LARP1B: variants seen among roughly 807,000 people sequenced by gnomAD.
The protein encoded by LARP1B is La ribonucleoprotein 1B, also known as la-related protein 1B.
Under a neutral mutation model 114.2 loss-of-function variants are expected in LARP1B, and 76 were observed. The ratio of observed to expected loss-of-function variants is 0.67; its 90% CI spans 0.55 to 0.81. The LOEUF is 0.81. Among genes scored for constraint, LARP1B ranks in the 30% least tolerant of loss-of-function variants. The pLI, the probability that LARP1B is intolerant of heterozygous loss-of-function variation, is 0.00. For missense variants in LARP1B, 1,014 were observed against 1,075.8 expected, an observed-to-expected ratio of 0.94 and a Z score of 0.80; for synonymous variants, 345 against 348.0, an observed-to-expected ratio of 0.99 and a Z score of 0.10.
intron 1 of LARP1B, among the ~76,000 whole-genome samples, chr4:128,071,920 A>T (rs4833394): frequency 0.6 from 91,560 of 151,878 alleles, 28,477 homozygotes; most frequent in Middle Eastern, 0.8. Flanking sequence ...TTAAAAATAT[A>T]TTATTTTCTT....
intron 15 of LARP1B, among the ~76,000 whole-genome samples, chr4:128,189,157 A>C (rs1751351192): frequency 6.6e-6 from 1 of 151,852 alleles, no homozygotes; most frequent in African/African-American, 2.4e-5. Context: ...ATGTTTACTT[A>C]ATATATCTGG....
In LARP1B at chr4:128,156,863, T is replaced by TAAA. The variant is rs56753518; in HGVS notation, c.1525-5308_1525-5306dup. ...CAAAATGGAATAAAAGGCTTGAAGC[T>TAAA]AAAAAAAAAAAAAAAAAAAAAAAAA... is the stretch of plus-strand genomic sequence containing the variant. On this transcript the variant is annotated intron_variant, in intron 11 of 19. Transcript: ENST00000326639. 4.0e-3 allele frequency among the ~76,000 whole-genome samples: 325 copies of TAAA among 80,754 alleles called. 3 individuals carry two copies. The highest frequency in any genetic ancestry group is 0.015 in the African/African-American group (302 of 20,118). The allele number at this position is 80,754 out of a possible 152,430, so 53.0% of individuals were successfully genotyped here.
At chr4:128,204,550 G>C (rs1425461586) in intron 17 of LARP1B, among the ~76,000 whole-genome samples, 3 of 151,940 alleles carry the variant, frequency 2.0e-5, no homozygotes, top group Non-Finnish European at 4.4e-5. Flanking sequence ...AGCTACTTGG[G>C]AGGCTGAGGC....
chr4:128,111,748 A>G (rs1431119832), intron 9 of LARP1B, among the ~76,000 whole-genome samples: 1 of 151,990 alleles, frequency 6.6e-6, no homozygotes, highest in Non-Finnish European at 1.5e-5. Flanking sequence ...GCTGGAGTGC[A>G]GTGGCTCACT....
chr4:128,098,747 G>GTGTATATATA lies in LARP1B; in HGVS notation c.813+418_813+419insGTATATATAT. 1.1e-3 allele frequency among the ~76,000 whole-genome samples: 17 copies of GTGTATATATA among 15,584 alleles called. 2 individuals are homozygous for GTGTATATATA. Among genetic ancestry groups the GTGTATATATA allele is most frequent in the Non-Finnish European group, 1.3e-3 (10 of 7,732 alleles). The allele number at this position is 15,584 out of a possible 152,430, so 10.2% of individuals were successfully genotyped here. ...AGCATGTGTTCCTGTATATGTATGT[G>GTGTATATATA]TATATATATATATATATATATTTTT... On this transcript the variant is annotated intron_variant, in intron 8 of 19. Transcript: ENST00000326639.
At chr4:128,204,301 A>G (rs1756935369) in intron 17 of LARP1B, among the ~76,000 whole-genome samples, 1 of 151,998 alleles carries the variant, frequency 6.6e-6, no homozygotes, top group South Asian at 2.1e-4. Context: ...AGTAAGACCT[A>G]CTATTTGATA....
At chr4:128,200,025 G>T (rs918017274) in intron 16 of LARP1B, among the ~76,000 whole-genome samples, 15 of 152,200 alleles carry the variant, frequency 9.9e-5, no homozygotes, top group Non-Finnish European at 1.9e-4. Context: ...GGCAGAGGTT[G>T]CAGTGAGCCA....
At chr4:128,106,758 A>G (rs1257510090) in intron 8 of LARP1B, among the ~76,000 whole-genome samples, 1 of 152,186 alleles carries the variant, frequency 6.6e-6, no homozygotes, top group Non-Finnish European at 1.5e-5. Context: ...TTATTATTCA[A>G]TAAATTGTGG....
chr4:128,153,163 A>G (rs1561426839), intron 11 of LARP1B, among the ~76,000 whole-genome samples: 1 of 150,866 alleles, frequency 6.6e-6, no homozygotes, highest in Admixed American at 6.6e-5. Flanking sequence ...TTGTATTTTT[A>G]GTAGAGACGG....
chr4:128,127,544 A>G (rs1790033727), intron 11 of LARP1B, among the ~76,000 whole-genome samples: 1 of 152,158 alleles, frequency 6.6e-6, no homozygotes, highest in East Asian at 1.9e-4. Flanking sequence ...AAAAAATAAC[A>G]AAATTACGGC....
intron 12 of LARP1B, among the ~76,000 whole-genome samples, chr4:128,172,656 G>T (rs1744259380): frequency 6.6e-6 from 1 of 151,640 alleles, no homozygotes; most frequent in African/African-American, 2.4e-5. Flanking sequence ...TCAAACCACT[G>T]CATTCCAGCC....
At chr4:128,129,223 C>T (rs1261203053) in intron 11 of LARP1B, among the ~76,000 whole-genome samples, 25 of 133,746 alleles carry the variant, frequency 1.9e-4, no homozygotes, top group Non-Finnish European at 3.4e-4. Flanking sequence ...TGCGTGGTGG[C>T]GCGTGCCTGT....
chr4:128,119,833 G>A (rs1000713697), intron 10 of LARP1B, among the ~76,000 whole-genome samples: 24 of 152,038 alleles, frequency 1.6e-4, no homozygotes, highest in African/African-American at 5.8e-4. Context: ...TGGATTTATT[G>A]TTTTTATTCT....
chr4:128,064,920 TTAATAA>T (rs1054806296), intron 1 of LARP1B, among the ~76,000 whole-genome samples: 15 of 151,626 alleles, frequency 9.9e-5, no homozygotes, highest in African/African-American at 3.6e-4. Context: ...AATAATAATA[TTAATAA>T]TAATAATAAT....
intron 1 of LARP1B, among the ~76,000 whole-genome samples, chr4:128,073,992 G>A (rs1052188744): frequency 6.6e-6 from 1 of 151,786 alleles, no homozygotes; most frequent in Non-Finnish European, 1.5e-5. Flanking sequence ...CCAGGCTGGA[G>A]TGGAATGGCA....
At chr4:128,212,132 T>TG (rs1759077680), downstream of LARP1B, 2 of 151,994 alleles carry the variant, frequency 1.3e-5, no homozygotes, top group Admixed American at 1.3e-4. Flanking sequence ...AGGCTGATCT[T>TG]GAACTCCTGG....
At chr4:128,159,534 C>T (rs1737427713) in intron 11 of LARP1B, among the ~76,000 whole-genome samples, 1 of 152,096 alleles carries the variant, frequency 6.6e-6, no homozygotes. Flanking sequence ...GATAGATTTT[C>T]CATAGATCCT....
chr4:128,078,517 C>G (rs1378795970), intron 4 of LARP1B, among the ~76,000 whole-genome samples: 1 of 151,672 alleles, frequency 6.6e-6, no homozygotes, highest in Non-Finnish European at 1.5e-5. Context: ...AGGAGAATTG[C>G]TTGAACCCAG....
rs1281048021 is a variant in LARP1B at position 128,082,306 on chromosome 4, G to A, written c.358+1G>A. On this transcript the variant is annotated splice_donor_variant, in intron 5 of 19. Transcript: ENST00000326639. LOFTEE classifies it high-confidence loss of function. Reference sequence around the variant, plus strand: ...AACAATAGGAGAAATGATACACGAAGTAAGTTACCATTCTAAGACAAAAAT... The same window carrying A: ...AACAATAGGAGAAATGATACACGAAATAAGTTACCATTCTAAGACAAAAAT... 3 of 1,613,050 alleles carry A rather than the reference G, an allele frequency of 1.9e-6. No individual in the cohort carries two copies. Among genetic ancestry groups the A allele is most frequent in the South Asian group, 1.1e-5 (1 of 90,854 alleles).
Sources: gnomAD v4.1 joint callset for allele counts (sites outside exome capture counted in the v4.1 genomes callset) on GRCh38, gnomAD v4.1.1 for gene constraint, MANE v1.5 for transcripts, NCBI Gene and HGNC (gene_info 2026-07-23, HGNC 2026-07-21) for gene names.